HS6ST2: variants seen among roughly 807,000 people sequenced by gnomAD.
HS6ST2 encodes the protein heparan-sulfate 6-O-sulfotransferase 2.
HS6ST2 carries 17 observed loss-of-function variants against 33.0 expected under a neutral mutation model. The ratio of observed to expected loss-of-function variants is 0.52; its 90% CI spans 0.35 to 0.77. The LOEUF is 0.77. HS6ST2 is among the 30% of genes least tolerant of loss of function. The probability of loss-of-function intolerance (pLI) is 0.01; values close to 1 mark genes in which losing one functional copy is unlikely to be tolerated. For synonymous variants in HS6ST2, 248 were observed against 237.1 expected, an observed-to-expected ratio of 1.05 and a Z score of -0.42; for missense variants, 519 against 551.7, an observed-to-expected ratio of 0.94 and a Z score of 0.59.
chrX:132,905,596 C>T (rs976269382), intron 2 of HS6ST2, among the ~76,000 whole-genome samples: 24 of 111,770 alleles, frequency 2.1e-4, no homozygotes, highest in African/African-American at 7.8e-4. Flanking sequence ...TACTACAACG[C>T]TAACACAAAG....
chrX:132,801,840 A>G (rs2065238588), intron 2 of HS6ST2, among the ~76,000 whole-genome samples: 1 of 112,343 alleles, frequency 8.9e-6, no homozygotes, highest in Admixed American at 9.5e-5. Context: ...AAGGATTCCT[A>G]CTATTATTTT....
intron 3 of HS6ST2, among the ~76,000 whole-genome samples, chrX:132,690,263 C>A (rs1274235644): frequency 8.9e-6 from 1 of 112,178 alleles, no homozygotes; most frequent in African/African-American, 3.2e-5. Context: ...AACAAACAAA[C>A]AAACATGTAA....
chrX:132,960,526 G>T (rs1324283800), upstream of HS6ST2, among the ~76,000 whole-genome samples: 1 of 107,530 alleles, frequency 9.3e-6, no homozygotes, highest in Non-Finnish European at 1.9e-5. Flanking sequence ...TGGAACACAA[G>T]AAAGTGCCTT....
At chrX:132,723,783 C>T (rs1256743086) in intron 2 of HS6ST2, among the ~76,000 whole-genome samples, 2 of 111,922 alleles carry the variant, frequency 1.8e-5, no homozygotes, top group Admixed American at 9.5e-5. Flanking sequence ...CCTGCTGTCA[C>T]CACTGTTAAC....
At chrX:132,630,778 C>G (rs1477939651) in intron 4 of HS6ST2, among the ~76,000 whole-genome samples, 1 of 110,739 alleles carries the variant, frequency 9.0e-6, no homozygotes, top group East Asian at 2.8e-4. Flanking sequence ...GAAACCCCAT[C>G]TGTTAAAAAT....
At chrX:132,637,126 T>C (rs1231968973) in intron 4 of HS6ST2, among the ~76,000 whole-genome samples, 1 of 112,204 alleles carries the variant, frequency 8.9e-6, no homozygotes, top group Non-Finnish European at 1.9e-5. Context: ...GTTCCTAAAG[T>C]GTGAGCCCAG....
At chrX:132,729,059 T>C (rs2064427980) in intron 2 of HS6ST2, among the ~76,000 whole-genome samples, 1 of 112,034 alleles carries the variant, frequency 8.9e-6, no homozygotes, top group Admixed American at 9.4e-5. Flanking sequence ...ACTGTCACTG[T>C]CAAGATGACA....
At chrX:132,631,756 C>T (rs1046552813) in intron 4 of HS6ST2, among the ~76,000 whole-genome samples, 14 of 111,582 alleles carry the variant, frequency 1.3e-4, no homozygotes, top group Non-Finnish European at 2.4e-4. Flanking sequence ...AGTCTTCTTG[C>T]CCTAACTTCT....
intron 2 of HS6ST2, among the ~76,000 whole-genome samples, chrX:132,813,024 T>C (rs181976179): frequency 1.8e-5 from 2 of 111,695 alleles, no homozygotes; most frequent in East Asian, 5.6e-4. Flanking sequence ...AGGATCTGTT[T>C]GTCTTCAAGA....
intron 2 of HS6ST2, among the ~76,000 whole-genome samples, chrX:132,901,726 T>A (rs774853421): frequency 6.3e-5 from 7 of 111,011 alleles, no homozygotes; most frequent in Non-Finnish European, 1.1e-4. Flanking sequence ...GGGAAGCAGA[T>A]TTGAGATGGA....
At chrX:132,821,400 G>T (rs1185858176) in intron 2 of HS6ST2, among the ~76,000 whole-genome samples, 1 of 109,231 alleles carries the variant, frequency 9.2e-6, no homozygotes, top group African/African-American at 3.3e-5. Context: ...TTTTAGTAGA[G>T]ACGGGGTTTC....
At chrX:132,698,555 A>G (rs1479112959) in intron 3 of HS6ST2, among the ~76,000 whole-genome samples, 1 of 111,938 alleles carries the variant, frequency 8.9e-6, no homozygotes, top group Admixed American at 9.5e-5. Context: ...CTGACACTCA[A>G]AAATATTACA....
At chrX:132,814,821 C>T (rs945561937) in intron 2 of HS6ST2, among the ~76,000 whole-genome samples, 2 of 112,250 alleles carry the variant, frequency 1.8e-5, no homozygotes, top group South Asian at 3.7e-4. Flanking sequence ...TTAGCCTTTC[C>T]CAAACCATGG....
intron 2 of HS6ST2, among the ~76,000 whole-genome samples, chrX:132,870,273 C>A (rs2066044664): frequency 9.0e-6 from 1 of 111,300 alleles, no homozygotes; most frequent in Non-Finnish European, 1.9e-5. Context: ...AGAGAGGACA[C>A]AAACAAATGG....
chrX:132,953,180 A>G (rs1473036869), intron 2 of HS6ST2, among the ~76,000 whole-genome samples: 1 of 111,957 alleles, frequency 8.9e-6, no homozygotes, highest in Non-Finnish European at 1.9e-5. Flanking sequence ...GGGACTTTTA[A>G]CAGCTTGTGA....
At chrX:132,634,412 T>C (rs1209986684) in intron 4 of HS6ST2, among the ~76,000 whole-genome samples, 1 of 112,364 alleles carries the variant, frequency 8.9e-6, no homozygotes, top group East Asian at 2.8e-4. Context: ...TGACCAAATG[T>C]ATCACCTAAT....
intron 3 of HS6ST2, among the ~76,000 whole-genome samples, chrX:132,681,638 TA>T (rs1044137316): frequency 7.2e-5 from 8 of 110,913 alleles, no homozygotes; most frequent in African/African-American, 2.0e-4. Context: ...ATTAAAACAT[TA>T]AAAAAAAATT....
At chrX:132,692,501 G>T (rs2064074079) in intron 3 of HS6ST2, among the ~76,000 whole-genome samples, 1 of 110,475 alleles carries the variant, frequency 9.1e-6, no homozygotes, top group East Asian at 2.8e-4. Context: ...ACTTAATCAG[G>T]TCTATGTCTC....
At chrX:132,730,546 C>G (rs2064447045) in intron 2 of HS6ST2, among the ~76,000 whole-genome samples, 1 of 111,755 alleles carries the variant, frequency 8.9e-6, no homozygotes, top group Non-Finnish European at 1.9e-5. Flanking sequence ...AGCCAGGAAT[C>G]AATTAATTTA....
Sources: gnomAD v4.1 joint callset for allele counts (sites outside exome capture counted in the v4.1 genomes callset) on GRCh38, gnomAD v4.1.1 for gene constraint, MANE v1.5 for transcripts, NCBI Gene and HGNC (gene_info 2026-07-23, HGNC 2026-07-21) for gene names.